Variants in DNER observed in about 807,000 individuals in gnomAD.
DNER encodes the protein delta/notch like EGF repeat containing.
DNER carries 33 observed loss-of-function variants against 78.2 expected under a neutral mutation model. That is an observed-to-expected ratio of 0.42 (90% CI 0.32 to 0.56). DNER has a LOEUF of 0.56. DNER is among the 20% of genes least tolerant of loss of function. The probability of loss-of-function intolerance (pLI) is 0.11; values close to 1 mark genes in which losing one functional copy is unlikely to be tolerated. For missense variants in DNER, 918 were observed against 975.3 expected (o/e 0.94, Z 0.78); for synonymous variants, 417 against 384.8 (o/e 1.08, Z -0.98).
intron 10 of DNER, among the ~76,000 whole-genome samples, chr2:229,394,023 C>G (rs893824211): frequency 5.3e-5 from 8 of 152,042 alleles, no homozygotes; most frequent in African/African-American, 1.7e-4. Flanking sequence ...AAAACTGTAA[C>G]CACAGATTCA....
chr2:229,630,738 C>T (rs1229141892), intron 1 of DNER, among the ~76,000 whole-genome samples: 1 of 152,000 alleles, frequency 6.6e-6, no homozygotes, highest in East Asian at 1.9e-4. Context: ...TCCCATCACC[C>T]AGGTAGTGAG....
Position 229,546,826 on chromosome 2 carries a change from C to CAGAT in DNER, c.993+120_993+121insATCT, listed in dbSNP as rs1375714652. 3.4e-5 allele frequency: 47 copies of CAGAT among 1,388,428 alleles called. No homozygotes were observed. The African/African-American group carries it at 6.8e-4, about 20-fold the overall frequency. 86.0% of individuals were successfully genotyped at this position (1,388,428 alleles called of 1,614,324 possible). The stretch of plus-strand genomic sequence containing the variant: ...ATAGACAGACAGACAGACAGACAGA[C>CAGAT]AGACAGATAGATAGATAGAGCAAGG... On this transcript the variant is annotated intron_variant, in intron 5 of 12. Coordinates refer to ENST00000341772, the MANE Select transcript of DNER (RefSeq NM_139072.4).
At chr2:229,630,167 T>A (rs751359564) in intron 1 of DNER, among the ~76,000 whole-genome samples, 3 of 152,170 alleles carry the variant, frequency 2.0e-5, no homozygotes, top group Non-Finnish European at 4.4e-5. Flanking sequence ...AGAAGTGTTA[T>A]AGACTCACAA....
At chr2:229,481,744 T>C (rs1192651083) in intron 6 of DNER, among the ~76,000 whole-genome samples, 1 of 152,214 alleles carries the variant, frequency 6.6e-6, no homozygotes, top group Admixed American at 6.5e-5. Context: ...CAACTATGAC[T>C]AATATTTCCT....
intron 1 of DNER, among the ~76,000 whole-genome samples, chr2:229,666,107 A>G (rs940458468): frequency 5.3e-5 from 8 of 152,150 alleles, no homozygotes; most frequent in African/African-American, 1.7e-4. Context: ...GTATCCTGCA[A>G]TGGCCTAACT....
chr2:229,658,154 A>G (rs139155444), intron 1 of DNER, among the ~76,000 whole-genome samples: 205 of 152,338 alleles, frequency 1.3e-3, no homozygotes, highest in African/African-American at 4.7e-3. Flanking sequence ...ATTGCCTGGT[A>G]AACCTAGCCT....
At chr2:229,655,818 G>A (rs1698901804) in intron 1 of DNER, among the ~76,000 whole-genome samples, 1 of 152,054 alleles carries the variant, frequency 6.6e-6, no homozygotes, top group Non-Finnish European at 1.5e-5. Context: ...GAAGAGAAAG[G>A]AAGGGAAAGG....
In DNER at chr2:229,512,893, A is replaced by G; in HGVS notation, c.1037T>C (p.Phe346Ser). 1 of 1,614,166 alleles carries G rather than the reference A, an allele frequency of 6.2e-7. No homozygotes were observed. The highest frequency in any genetic ancestry group is 8.5e-7 in the Non-Finnish European group (1 of 1,180,014). Reference protein sequence around the residue: ...CTCEEQYVGTFCEEYDACQRK... With the variant: ...CTCEEQYVGTSCEEYDACQRK... ...CTGGCAAGCATCGTATTCTTCACAG[A>G]AAGTACCCACGTACTGCTCCTCACA... The change falls in exon 6 of 13, where the codon TTC becomes TCC. Residue 346 changes from phenylalanine (F) to serine (S), a missense_variant. Physicochemically the swap from Phe to Ser is radical, Grantham distance 155. Transcript: ENST00000341772.
At chr2:229,686,246 C>T (rs185848816) in intron 1 of DNER, among the ~76,000 whole-genome samples, 1 of 152,178 alleles carries the variant, frequency 6.6e-6, no homozygotes, top group Non-Finnish European at 1.5e-5. Context: ...GTGCCACTGA[C>T]TGTTCATCTG....
chr2:229,613,181 C>A (rs2154215249), intron 1 of DNER, among the ~76,000 whole-genome samples: 1 of 152,266 alleles, frequency 6.6e-6, no homozygotes, highest in East Asian at 1.9e-4. Context: ...CCAGTTCATT[C>A]TATAAATATT....
intron 8 of DNER, among the ~76,000 whole-genome samples, chr2:229,423,007 G>T (rs890106557): frequency 6.6e-5 from 10 of 152,050 alleles, no homozygotes; most frequent in Non-Finnish European, 1.2e-4. Context: ...AAATGAGGAG[G>T]TCACTGAACA....
chr2:229,602,977 A>G (rs1235828990), intron 1 of DNER, among the ~76,000 whole-genome samples: 4 of 152,220 alleles, frequency 2.6e-5, no homozygotes, highest in African/African-American at 9.6e-5. Context: ...CAGGAATTTT[A>G]AAGCTATGGT....
At chr2:229,667,555 G>T (rs866984120) in intron 1 of DNER, among the ~76,000 whole-genome samples, 23 of 152,214 alleles carry the variant, frequency 1.5e-4, no homozygotes, top group African/African-American at 4.8e-4. Context: ...TAGTCTTTTT[G>T]TTCTTGATGT....
intron 1 of DNER, among the ~76,000 whole-genome samples, chr2:229,692,728 A>C (rs576156116): frequency 1.4e-4 from 22 of 152,330 alleles, no homozygotes; most frequent in African/African-American, 4.6e-4. Context: ...AAAATGATGC[A>C]ATGATTACAG....
intron 5 of DNER, among the ~76,000 whole-genome samples, chr2:229,538,094 T>C (rs975225060): frequency 5.9e-5 from 9 of 152,208 alleles, no homozygotes; most frequent in Non-Finnish European, 7.3e-5. Context: ...TGCACTTACT[T>C]TTATGATCTC....
rs747365939 is a variant in DNER, at chr2:229,462,455, C to T, written c.1261+14685G>A. ...TCCAGTCAGAAACCTAGGAGTCATA[C>T]CTGATTGTTTTTCTTCTCTGAACCC... On this transcript the variant is annotated intron_variant, in intron 7 of 12. Transcript: ENST00000341772. Among the ~76,000 whole-genome samples the T allele has an allele frequency of 3.9e-5, 6 of 152,002 alleles. 1 individual carries two copies. Among genetic ancestry groups the T allele is most frequent in the African/African-American group, 9.7e-5 (4 of 41,314 alleles).
chr2:229,387,948 T>C (rs1692932609), intron 11 of DNER, among the ~76,000 whole-genome samples: 1 of 152,170 alleles, frequency 6.6e-6, no homozygotes, highest in African/African-American at 2.4e-5. Flanking sequence ...AATGCTTTTC[T>C]GTTCAGCACA....
intron 4 of DNER, among the ~76,000 whole-genome samples, chr2:229,558,803 C>T (rs111250269): frequency 0.031 from 4,732 of 152,154 alleles, 251 homozygotes; most frequent in African/African-American, 0.11. Flanking sequence ...AATGAGCCAG[C>T]AAGAAAAGCT....
At chr2:229,511,049 T>C (rs917003121) in intron 6 of DNER, among the ~76,000 whole-genome samples, 10 of 152,190 alleles carry the variant, frequency 6.6e-5, no homozygotes, top group African/African-American at 2.4e-4. Flanking sequence ...CCTATCCCTA[T>C]GATTTGATAA....
Sources: gnomAD v4.1 joint callset for allele counts (sites outside exome capture counted in the v4.1 genomes callset) on GRCh38, gnomAD v4.1.1 for gene constraint, MANE v1.5 for transcripts, NCBI Gene and HGNC (gene_info 2026-07-23, HGNC 2026-07-21) for gene names.